PDSS1: variants seen among roughly 807,000 people sequenced by gnomAD.
PDSS1 encodes the protein all trans-polyprenyl-diphosphate synthase PDSS1.
Under a neutral mutation model 57.5 loss-of-function variants are expected in PDSS1, and 43 were observed. The ratio of observed to expected loss-of-function variants is 0.75; its 90% CI spans 0.59 to 0.96. The LOEUF is 0.96. Among genes scored for constraint, PDSS1 ranks in the 50% least tolerant of loss-of-function variants. The pLI is 0.00. For synonymous variants in PDSS1, 175 were observed against 191.3 expected, an observed-to-expected ratio of 0.91 and a Z score of 0.70; for missense variants, 438 against 527.8, an observed-to-expected ratio of 0.83 and a Z score of 1.67.
In PDSS1 at chr10:26,723,827, A is replaced by G. The variant is rs1378734247; in HGVS notation, c.631A>G (p.Ile211Val). The change falls in exon 7 of 12, where the codon ATT becomes GTT. Residue 211 changes from isoleucine to valine, a missense_variant. By Grantham distance (29) the Ile-to-Val change is conservative. This residue lies in a region of PDSS1 where 284 missense variants were observed against 390.7 expected (regional missense o/e 0.73). Transcript: ENST00000376215. ...CTAGGCTGTTCTTGCTGGAGATTTA[A>G]TTCTTTCTGCAGCATCTATAGCTCT... ...EKKAVLAGDL[I>V]LSAASIALAR... is the part of the protein sequence containing the mutation. 2 of 1,612,504 alleles carry G rather than the reference A, an allele frequency of 1.2e-6. No homozygotes were observed. The highest frequency in any genetic ancestry group is 1.3e-5 in the African/African-American group (1 of 74,880).
At chr10:26,727,974 G>A (rs866641554) in intron 8 of PDSS1, among the ~76,000 whole-genome samples, 10 of 152,312 alleles carry the variant, frequency 6.6e-5, no homozygotes, top group Middle Eastern at 6.8e-3. Context: ...TACCACAAGA[G>A]CGGTGCTGTC....
At chr10:26,699,271 G>A (rs1013507351) in intron 1 of PDSS1, among the ~76,000 whole-genome samples, 1 of 152,158 alleles carries the variant, frequency 6.6e-6, no homozygotes. Flanking sequence ...GGTAGGCTTT[G>A]CTGTGATCCA....
intron 4 of PDSS1, 54 bp downstream of exon 4, chr10:26,705,448 A>C: frequency 1.4e-6 from 1 of 729,954 alleles, no homozygotes; most frequent in Non-Finnish European, 2.2e-6. Context: ...AAACTTACTA[A>C]AATTTTATTT....
At chr10:26,701,806 C>T in intron 1 of PDSS1, 1 of 454,104 alleles carries the variant, frequency 2.2e-6, no homozygotes, top group Admixed American at 2.3e-5. Flanking sequence ...GTGCTCTAGA[C>T]CCCAGAATGG....
At chr10:26,700,964 A>G (rs1307821226) in intron 1 of PDSS1, among the ~76,000 whole-genome samples, 1 of 152,192 alleles carries the variant, frequency 6.6e-6, no homozygotes, top group Non-Finnish European at 1.5e-5. Flanking sequence ...AAGTTTGGAA[A>G]TTCCTAGAGT....
chr10:26,706,032 T>C (rs1454545849), intron 4 of PDSS1, among the ~76,000 whole-genome samples: 1 of 152,232 alleles, frequency 6.6e-6, no homozygotes, highest in African/African-American at 2.4e-5. Context: ...CCTTATCTAA[T>C]TCTGAATGTC....
At chr10:26,745,896 TGGAAGAAA>T (rs1046386002) in intron 11 of PDSS1, among the ~76,000 whole-genome samples, 12 of 152,104 alleles carry the variant, frequency 7.9e-5, no homozygotes, top group Non-Finnish European at 1.0e-4. Flanking sequence ...TGAGTGCCTT[TGGAAGAAA>T]GGAAGCTGAT....
chr10:26,735,694 A>G (rs1419408052), intron 10 of PDSS1, 115 bp downstream of exon 10: 2 of 725,202 alleles, frequency 2.8e-6, no homozygotes, highest in Admixed American at 4.0e-5. Flanking sequence ...GCATTCAGAT[A>G]AGAGATCACA....
chr10:26,735,867 A>G (rs1029299987), intron 10 of PDSS1, among the ~76,000 whole-genome samples: 11 of 152,206 alleles, frequency 7.2e-5, no homozygotes, highest in African/African-American at 9.7e-5. Flanking sequence ...GTGGTGTGCC[A>G]TAGGCATTTG....
intron 8 of PDSS1, among the ~76,000 whole-genome samples, chr10:26,731,923 C>T (rs1022177147): frequency 2.0e-5 from 3 of 152,258 alleles, no homozygotes; most frequent in East Asian, 1.9e-4. Flanking sequence ...TCCCAAGTAG[C>T]TGGGATTACA....
Position 26,697,860 on chromosome 10 carries a change from GC to G in PDSS1, c.129+23del. Reference sequence around the variant, plus strand: ...GCGCAGGTGAGGTTGGGAGGCGCGCGCCCGGCGGGGCTCAGAGGTCACGGCT... The same window carrying G: ...GCGCAGGTGAGGTTGGGAGGCGCGCGCCGGCGGGGCTCAGAGGTCACGGCT... On this transcript the variant is annotated intron_variant, in intron 1 of 11. Coordinates refer to ENST00000376215, the MANE Select transcript of PDSS1 (RefSeq NM_014317.5). The G allele has an allele frequency of 7.7e-7, 1 of 1,292,738 alleles. No homozygotes were observed. Among genetic ancestry groups the G allele is most frequent in the Non-Finnish European group, 9.9e-7 (1 of 1,013,848 alleles). The allele number at this position is 1,292,738 out of a possible 1,614,324, so 80.1% of individuals were successfully genotyped here.
At chr10:26,730,330 C>T (rs1836138027) in intron 8 of PDSS1, among the ~76,000 whole-genome samples, 1 of 152,056 alleles carries the variant, frequency 6.6e-6, no homozygotes, top group South Asian at 2.1e-4. Context: ...AACAACGTGG[C>T]TGGGCACAGT....
chr10:26,726,564 G>A (rs574351700), intron 8 of PDSS1, among the ~76,000 whole-genome samples: 18 of 152,282 alleles, frequency 1.2e-4, no homozygotes, highest in African/African-American at 4.1e-4. Flanking sequence ...GAGGGGAGGA[G>A]GAGAACTGAA....
At chr10:26,736,970 C>A (rs1240779850) in intron 10 of PDSS1, among the ~76,000 whole-genome samples, 2 of 152,170 alleles carry the variant, frequency 1.3e-5, no homozygotes, top group African/African-American at 4.8e-5. Context: ...AAAAATGAGG[C>A]ACTGGCTACC....
intron 8 of PDSS1, among the ~76,000 whole-genome samples, chr10:26,729,973 C>T (rs1235670213): frequency 7.7e-6 from 1 of 129,702 alleles, no homozygotes; most frequent in Non-Finnish European, 1.5e-5. Flanking sequence ...AGTGCAGTGG[C>T]ACTATCTCAG....
At chr10:26,734,733 C>T (rs751973880) in intron 8 of PDSS1, 15 of 455,962 alleles carry the variant, frequency 3.3e-5, no homozygotes, top group South Asian at 2.0e-4. Context: ...GGTGAAATTC[C>T]CAACGATGAT....
At chr10:26,729,962 G>T (rs1836116479) in intron 8 of PDSS1, among the ~76,000 whole-genome samples, 1 of 141,302 alleles carries the variant, frequency 7.1e-6, no homozygotes, top group African/African-American at 2.7e-5. Flanking sequence ...GCCCAGGCCG[G>T]AGTGCAGTGG....
At chr10:26,701,676 G>A (rs1241208139) in intron 1 of PDSS1, among the ~76,000 whole-genome samples, 2 of 152,222 alleles carry the variant, frequency 1.3e-5, no homozygotes, top group Non-Finnish European at 2.9e-5. Context: ...TGCTGAAGGG[G>A]GGAGAACCCT....
In PDSS1 at chr10:26,742,492, G is replaced by A. The variant is rs1454162985; in HGVS notation, c.1027-5G>A. On this transcript the variant is annotated splice_region_variant and splice_polypyrimidine_tract_variant and intron_variant, in intron 10 of 11. Coordinates refer to ENST00000376215, the MANE Select transcript of PDSS1 (RefSeq NM_014317.5). ...TTTCTCAGATTTTCTCTCTTTTTTT[G>A]TTAGTTCCCAGAAATGAATGCTATG... 1.2e-6 allele frequency: 2 copies of A among 1,604,118 alleles called. No individual in the cohort carries two copies. The highest frequency in any genetic ancestry group is 1.7e-6 in the Non-Finnish European group (2 of 1,172,282).
Sources: gnomAD v4.1 joint callset for allele counts (sites outside exome capture counted in the v4.1 genomes callset) on GRCh38, gnomAD v4.1.1 for gene constraint, gnomAD v4.1.1 regional missense constraint, MANE v1.5 for transcripts, NCBI Gene and HGNC (gene_info 2026-07-23, HGNC 2026-07-21) for gene names.